Variants in IQSEC1 observed in about 807,000 individuals in gnomAD.
The protein encoded by IQSEC1 is IQ motif and SEC7 domain-containing protein 1.
In IQSEC1, 31 loss-of-function variants were observed where a neutral mutation model predicts 91.0. The observed-to-expected ratio is 0.34, with a 90% CI of 0.26 to 0.46. IQSEC1 has a LOEUF of 0.46. Ranked by LOEUF, IQSEC1 falls within the 20% of genes least tolerant of loss-of-function variation. The pLI is 1.00. For missense variants in IQSEC1, 1,388 were observed against 1,575.6 expected (o/e 0.88, Z 2.02); for synonymous variants, 699 against 662.6 (o/e 1.05, Z -0.84).
intron 2 of IQSEC1, among the ~76,000 whole-genome samples, chr3:13,097,892 AGTG>A (rs1705991537): frequency 6.6e-6 from 1 of 152,242 alleles, no homozygotes; most frequent in Non-Finnish European, 1.5e-5. Context: ...TGACCAGCTC[AGTG>A]GTATAGGAGG....
chr3:12,989,685 C>T (rs1338363837), intron 1 of IQSEC1, among the ~76,000 whole-genome samples: 3 of 152,212 alleles, frequency 2.0e-5, no homozygotes, highest in Non-Finnish European at 4.4e-5. Context: ...GAGCTTACCA[C>T]GATCTGTGGG....
intron 1 of IQSEC1, among the ~76,000 whole-genome samples, chr3:13,191,158 G>T (rs1694023241): frequency 6.6e-6 from 1 of 152,162 alleles, no homozygotes; most frequent in South Asian, 2.1e-4. Flanking sequence ...ACACTAAGAC[G>T]TGGGGCTTCA....
At chr3:12,996,974 G>T (rs1481528024) in intron 1 of IQSEC1, among the ~76,000 whole-genome samples, 1 of 152,218 alleles carries the variant, frequency 6.6e-6, no homozygotes, top group Non-Finnish European at 1.5e-5. Context: ...GCAACCAATC[G>T]GGAAGGGTAT....
intron 1 of IQSEC1, among the ~76,000 whole-genome samples, chr3:13,029,381 G>A (rs1319170310): frequency 1.3e-5 from 2 of 152,336 alleles, no homozygotes; most frequent in East Asian, 3.9e-4. Context: ...GATAGAACAT[G>A]GCAGGGTGGG....
intron 8 of IQSEC1, 102 bp downstream of exon 8, chr3:12,915,002 G>T: frequency 8.5e-7 from 1 of 1,180,206 alleles, no homozygotes; most frequent in Non-Finnish European, 1.2e-6. Flanking sequence ...CAAGCAGCCA[G>T]CACTTGGGCT....
intron 1 of IQSEC1, chr3:13,053,092 G>A (rs1360456435): frequency 3.1e-6 from 3 of 968,784 alleles, no homozygotes; most frequent in East Asian, 2.4e-5. Flanking sequence ...GCCAGGAATC[G>A]CTTACTCCTG....
intron 2 of IQSEC1, among the ~76,000 whole-genome samples, chr3:13,091,645 C>T (rs1274343277): frequency 6.6e-6 from 1 of 152,188 alleles, no homozygotes. Context: ...CCAGGAAGCC[C>T]GACTTGGCTG....
At chr3:13,073,560 G>A (rs1460049333), upstream of IQSEC1, among the ~76,000 whole-genome samples, 3 of 144,744 alleles carry the variant, frequency 2.1e-5, no homozygotes, top group African/African-American at 5.8e-5. Context: ...CGGCCGCTCG[G>A]CTGCGCCCTC....
At position 13,051,745 on chromosome 3, in the gene IQSEC1, G is replaced by C. The variant is rs187848558; in HGVS notation, c.23+21247C>G. Among the ~76,000 whole-genome samples the C allele has an allele frequency of 5.9e-5, 9 of 152,186 alleles. No individual in the cohort carries two copies. The East Asian group carries it at 1.7e-3, about 29-fold the overall frequency. On this transcript the variant is annotated intron_variant, in intron 1 of 13. Transcript: ENST00000613206. The stretch of plus-strand genomic sequence containing the variant: ...ATCCCCTTTCTTGCACAGCACTTGC[G>C]TGGTCTTGGAAACCTCCCTCCCTGC...
chr3:12,954,406 T>C (rs1437635295), intron 1 of IQSEC1, among the ~76,000 whole-genome samples: 1 of 152,092 alleles, frequency 6.6e-6, no homozygotes, highest in Non-Finnish European at 1.5e-5. Context: ...TGTGGATCAA[T>C]GGCAGTGTGG....
At chr3:13,235,625 G>T (rs777864408) in intron 1 of IQSEC1, among the ~76,000 whole-genome samples, 1 of 152,188 alleles carries the variant, frequency 6.6e-6, no homozygotes, top group African/African-American at 2.4e-5. Flanking sequence ...CATCACTCCC[G>T]CTGCCTGTGG....
intron 1 of IQSEC1, among the ~76,000 whole-genome samples, chr3:12,969,174 T>G (rs866217972): frequency 2.4e-4 from 37 of 152,278 alleles, no homozygotes; most frequent in South Asian, 1.5e-3. Context: ...TTGCAAATCA[T>G]GTATCTAGTA....
intron 1 of IQSEC1, among the ~76,000 whole-genome samples, chr3:12,944,526 C>T (rs780970761): frequency 2.6e-5 from 4 of 152,060 alleles, no homozygotes; most frequent in East Asian, 1.9e-4. Context: ...CCAGAGCCCA[C>T]GCCTCTGCTC....
At chr3:13,227,863 G>A (rs1460382776) in intron 1 of IQSEC1, among the ~76,000 whole-genome samples, 2 of 152,218 alleles carry the variant, frequency 1.3e-5, no homozygotes, top group Admixed American at 1.3e-4. Flanking sequence ...TGGAGCTGCA[G>A]GAGGCAGGCT....
intron 1 of IQSEC1, among the ~76,000 whole-genome samples, chr3:13,246,484 C>T (rs986344501): frequency 6.6e-6 from 1 of 151,784 alleles, no homozygotes; most frequent in Non-Finnish European, 1.5e-5. Flanking sequence ...GGAGTGACAA[C>T]GAAAAGTGGC....
chr3:12,988,611 T>A (rs1015065817), intron 1 of IQSEC1, among the ~76,000 whole-genome samples: 4 of 152,010 alleles, frequency 2.6e-5, no homozygotes, highest in African/African-American at 9.7e-5. Context: ...CCATAGGTGG[T>A]ACGACAGGAA....
chr3:12,981,965 A>G (rs1003452572), intron 1 of IQSEC1, among the ~76,000 whole-genome samples: 6 of 152,224 alleles, frequency 3.9e-5, no homozygotes, highest in Non-Finnish European at 8.8e-5. Flanking sequence ...ACAGGCTGCA[A>G]CTGGAGATCC....
At chr3:13,156,941 G>A (rs1185719630) in intron 2 of IQSEC1, among the ~76,000 whole-genome samples, 6 of 152,240 alleles carry the variant, frequency 3.9e-5, no homozygotes, top group Non-Finnish European at 7.3e-5. Flanking sequence ...TGATGGAGGA[G>A]AGAATGGAGA....
intron 1 of IQSEC1, among the ~76,000 whole-genome samples, chr3:12,952,757 G>C (rs1699640240): frequency 6.6e-6 from 1 of 152,196 alleles, no homozygotes; most frequent in South Asian, 2.1e-4. Flanking sequence ...GCTCAGAGCG[G>C]ACTTCCCCCA....
Sources: gnomAD v4.1 joint callset for allele counts (sites outside exome capture counted in the v4.1 genomes callset) on GRCh38, gnomAD v4.1.1 for gene constraint, MANE v1.5 for transcripts, NCBI Gene and HGNC (gene_info 2026-07-23, HGNC 2026-07-21) for gene names.